The following DEK variants were observed in gnomAD, a reference collection of about 807,000 sequenced individuals.
The protein encoded by DEK is DEK proto-oncogene, also known as protein DEK.
In DEK, 28 loss-of-function variants were observed where a neutral mutation model predicts 46.8. The ratio of observed to expected loss-of-function variants is 0.60; its 90% CI spans 0.44 to 0.82. The LOEUF is 0.82. Among genes scored for constraint, DEK ranks in the 40% least tolerant of loss-of-function variants. The pLI, the probability that DEK is intolerant of heterozygous loss-of-function variation, is 0.00. For synonymous variants in DEK, 160 were observed against 144.5 expected (o/e 1.11, Z -0.77); for missense variants, 416 against 430.6 (o/e 0.97, Z 0.30).
Position 18,225,594 on chromosome 6 carries a change from C to A in DEK, c.*125G>T. ...ATAACACTCAAGATAAAAAGGTCAG[C>A]AGTAAGTTCTACTAACGTTGCTTAA... is the stretch of plus-strand genomic sequence containing the variant. On this transcript the variant is annotated 3_prime_UTR_variant, in exon 11 of 11. Coordinates refer to ENST00000652689, the MANE Select transcript of DEK (RefSeq NM_003472.4). 1 of 1,016,268 alleles carries A rather than the reference C, an allele frequency of 9.8e-7. No individual in the cohort carries two copies. Among genetic ancestry groups the A allele is most frequent in the South Asian group, 2.0e-5 (1 of 50,166 alleles). The allele number at this position is 1,016,268 out of a possible 1,614,324, so 63.0% of individuals were successfully genotyped here. A position where few individuals can be genotyped will look rare whatever the true frequency, so the allele number is the denominator to read the frequency against.
At chr6:18,248,788 T>C (rs932228803) in intron 7 of DEK, among the ~76,000 whole-genome samples, 9 of 152,196 alleles carry the variant, frequency 5.9e-5, no homozygotes, top group Non-Finnish European at 1.2e-4. Context: ...TGACAATGTC[T>C]GAAGAACATT....
intron 7 of DEK, among the ~76,000 whole-genome samples, chr6:18,248,339 G>A (rs551933941): frequency 2.0e-5 from 3 of 152,170 alleles, no homozygotes; most frequent in East Asian, 3.9e-4. Context: ...CTTTAACTCT[G>A]CCCATAAAGA....
At chr6:18,237,065 A>G (rs1790685098) in intron 8 of DEK, 1 of 224,886 alleles carries the variant, frequency 4.4e-6, no homozygotes, top group South Asian at 1.1e-4. Context: ...GCAATAAATA[A>G]TTTATTTAGT....
In DEK at chr6:18,249,785, T is replaced by C. The variant is rs758239404; in HGVS notation, c.628A>G (p.Ser210Gly). The change falls in exon 7 of 11, where the codon AGT becomes GGT. Residue 210 changes from serine (S) to glycine (G), a missense_variant. Transcript: ENST00000652689. ...CSKGSKKERN[S>G]SGMARKAKRT... Reference sequence around the variant, plus strand: ...TTAGCCTTCCTTGCCATTCCAGAACTGTTCCGTTCCTTTTTACTGCCTTTG... The same window carrying C: ...TTAGCCTTCCTTGCCATTCCAGAACCGTTCCGTTCCTTTTTACTGCCTTTG... 3.7e-6 allele frequency: 6 copies of C among 1,607,440 alleles called. No individual in the cohort carries two copies. Among genetic ancestry groups the C allele is most frequent in the Middle Eastern group, 1.6e-4 (1 of 6,062 alleles).
At chr6:18,229,339 G>A (rs547825747) in intron 9 of DEK, among the ~76,000 whole-genome samples, 1 of 152,300 alleles carries the variant, frequency 6.6e-6, no homozygotes, top group South Asian at 2.1e-4. Flanking sequence ...CTCCTCCAAA[G>A]GAACACAGCT....
chr6:18,262,277 G>A (rs376443270), intron 2 of DEK, among the ~76,000 whole-genome samples: 85 of 142,998 alleles, frequency 5.9e-4, no homozygotes, highest in African/African-American at 2.3e-3. Context: ...TGCCTCAAGT[G>A]TTTCTTTATA....
rs756310834 is a variant in DEK at position 18,237,451 on chromosome 6, A to C, written c.828T>G (p.Ser276=). 150 of 1,610,978 alleles carry C rather than the reference A, an allele frequency of 9.3e-5. 1 individual carries two copies. The Admixed American group carries it at 2.5e-3, about 27-fold the overall frequency. Residue 276 remains serine (S), a synonymous_variant, in exon 8 of 11, where the codon TCT becomes TCG. Coordinates refer to ENST00000652689, the MANE Select transcript of DEK (RefSeq NM_003472.4). ...KQKATSKSKK[S]VKSANVKKAD... is the part of the protein sequence containing the mutation. ...CTTTCTTAACATTGGCACTTTTCACAGATTTTTTACTTTTAGAAGTAGCTT... is the reference window on the plus strand; with the variant it reads ...CTTTCTTAACATTGGCACTTTTCACCGATTTTTTACTTTTAGAAGTAGCTT...
In DEK at chr6:18,247,923, C is replaced by T. The variant is rs1449345482; in HGVS notation, c.762+1728G>A. Reference sequence around the variant, plus strand: ...CTGACCTCAGGTGATCCACCCACCTCGGCCTCCCAAAGTGCTGGGATTACA... The same window carrying T: ...CTGACCTCAGGTGATCCACCCACCTTGGCCTCCCAAAGTGCTGGGATTACA... On this transcript the variant is annotated intron_variant, in intron 7 of 10. Coordinates refer to ENST00000652689, the MANE Select transcript of DEK (RefSeq NM_003472.4). Among the ~76,000 whole-genome samples the T allele has an allele frequency of 3.3e-5, 5 of 152,072 alleles. No individual in the cohort carries two copies. In the South Asian group the frequency reaches 6.2e-4, roughly 19 times the overall value.
At position 18,264,399 on chromosome 6, in the gene DEK, G is replaced by A. The variant is rs1355674813; in HGVS notation, c.-24C>T. 4.3e-6 allele frequency: 1 copy of A among 229,996 alleles called. No individual in the cohort carries two copies. The highest frequency in any genetic ancestry group is 8.9e-6 in the Non-Finnish European group (1 of 112,446). The allele number at this position is 229,996 out of a possible 1,614,324, so 14.2% of individuals were successfully genotyped here. A position where few individuals can be genotyped will look rare whatever the true frequency, so the allele number is the denominator to read the frequency against. On this transcript the variant is annotated 5_prime_UTR_variant, in exon 1 of 11. Coordinates refer to ENST00000652689, the MANE Select transcript of DEK (RefSeq NM_003472.4). ...GCAGCCCTTACCGCGGATTTCGGCC[G>A]CCGCGGGCCTGGCACGCGAGGGCAC...
intron 6 of DEK, among the ~76,000 whole-genome samples, chr6:18,250,568 CTTTTTTTTTTT>C (rs70974716): frequency 8.0e-5 from 5 of 62,820 alleles, no homozygotes; most frequent in Admixed American, 2.6e-4. Context: ...GGAGAAAAAC[CTTTTTTTTTTT>C]TTTTTTTTTT....
At chr6:18,252,966 C>CTAATA (rs1244340978) in intron 6 of DEK, among the ~76,000 whole-genome samples, 1 of 152,318 alleles carries the variant, frequency 6.6e-6, no homozygotes, top group African/African-American at 2.4e-5. Context: ...ACATGTCTTT[C>CTAATA]TAATATCTGT....
intron 7 of DEK, among the ~76,000 whole-genome samples, chr6:18,245,891 G>C (rs768056864): frequency 8.5e-5 from 13 of 152,260 alleles, no homozygotes; most frequent in Non-Finnish European, 1.3e-4. Flanking sequence ...TTCTCATGCT[G>C]TTCTCATGAC....
intron 4 of DEK, among the ~76,000 whole-genome samples, chr6:18,256,913 A>G (rs912773013): frequency 6.6e-6 from 1 of 152,228 alleles, no homozygotes; most frequent in African/African-American, 2.4e-5. Flanking sequence ...TTCACTAGTT[A>G]TGGGACTTGT....
At chr6:18,245,484 A>G (rs1791072115) in intron 7 of DEK, among the ~76,000 whole-genome samples, 1 of 151,630 alleles carries the variant, frequency 6.6e-6, no homozygotes, top group African/African-American at 2.4e-5. Flanking sequence ...TAAATTCTAA[A>G]TACTCGTAAA....
At chr6:18,257,067 C>T (rs1791626185) in intron 4 of DEK, among the ~76,000 whole-genome samples, 2 of 152,046 alleles carry the variant, frequency 1.3e-5, no homozygotes, top group South Asian at 2.1e-4. Flanking sequence ...GCAGTTCCCT[C>T]GATTATATAA....
Position 18,263,971 on chromosome 6 carries a change from G to A in DEK, c.17C>T (p.Pro6Leu), listed in dbSNP as rs775386492. MSASAPAAEGEGTPTQ... is the reference protein window; with the variant it reads MSASALAAEGEGTPTQ... ...GGGGGTTCCCTCCCCCTCCGCAGCA[G>A]GGGCCGAGGCGGACATGCTGTGAAC... Residue 6 changes from proline to leucine, a missense_variant, in exon 2 of 11, where the codon CCT (proline) becomes CTT (leucine). By Grantham distance (98) the Pro-to-Leu change is moderately conservative. Coordinates refer to ENST00000652689, the MANE Select transcript of DEK (RefSeq NM_003472.4). 1.1e-5 allele frequency: 18 copies of A among 1,611,496 alleles called. No homozygotes were observed. Among genetic ancestry groups the A allele is most frequent in the Admixed American group, 1.7e-5 (1 of 59,226 alleles).
Position 18,264,517 on chromosome 6 carries a change from C to T in DEK, c.-142G>A, listed in dbSNP as rs562653333. ...ACGCTCGCGCCGCGCGCTCGGCTCC[C>T]CAGAATCAACAAGATTTTCAAAATG... On this transcript the variant is annotated 5_prime_UTR_variant, in exon 1 of 11. Transcript: ENST00000652689. The T allele has an allele frequency of 2.0e-4, 47 of 230,944 alleles. No homozygotes were observed. The highest frequency in any genetic ancestry group is 1.1e-3 in the African/African-American group (46 of 43,372). 14.3% of individuals were successfully genotyped at this position (230,944 alleles called of 1,614,324 possible).
chr6:18,226,049 TGAA>T, intron 10 of DEK, 122 bp downstream of exon 10: 1 of 907,326 alleles, frequency 1.1e-6, no homozygotes, highest in South Asian at 2.5e-5. Flanking sequence ...TTCCCTATTA[TGAA>T]GAAATGTGAG....
intron 7 of DEK, among the ~76,000 whole-genome samples, chr6:18,245,377 C>A (rs141840248): frequency 5.4e-4 from 82 of 152,210 alleles, no homozygotes; most frequent in African/African-American, 1.8e-3. Flanking sequence ...GGCTTCTTGT[C>A]ATGAAAGAAA....
Sources: gnomAD v4.1 joint callset for allele counts (sites outside exome capture counted in the v4.1 genomes callset) on GRCh38, gnomAD v4.1.1 for gene constraint, MANE v1.5 for transcripts, NCBI Gene and HGNC (gene_info 2026-07-23, HGNC 2026-07-21) for gene names.